PDZD2: variants seen among roughly 807,000 people sequenced by gnomAD.
PDZD2 encodes the protein PDZ domain-containing protein 2.
PDZD2 carries 90 observed loss-of-function variants against 220.7 expected under a neutral mutation model. That is an observed-to-expected ratio of 0.41 (90% confidence interval 0.34 to 0.49). PDZD2 has a LOEUF of 0.49. Ranked by LOEUF, PDZD2 falls within the 20% of genes least tolerant of loss-of-function variation. PDZD2 has a pLI of 0.28. For synonymous variants in PDZD2, 1,375 were observed against 1,450.5 expected, an observed-to-expected ratio of 0.95 and a Z score of 1.18; for missense variants, 3,174 against 3,608.5, an observed-to-expected ratio of 0.88 and a Z score of 3.08.
intron 2 of PDZD2, among the ~76,000 whole-genome samples, chr5:31,953,650 TAAA>T (rs1554013432): frequency 7.2e-6 from 1 of 139,102 alleles, no homozygotes; most frequent in African/African-American, 2.7e-5. Flanking sequence ...CCCTGTCTCT[TAAA>T]AAAAAAATTT....
intron 2 of PDZD2, among the ~76,000 whole-genome samples, chr5:31,861,203 T>C (rs1331136040): frequency 6.6e-6 from 1 of 152,130 alleles, no homozygotes; most frequent in Non-Finnish European, 1.5e-5. Flanking sequence ...AGAGAGTAAG[T>C]AGCAGGTCCC....
At chr5:31,854,470 G>C (rs1337723483) in intron 2 of PDZD2, among the ~76,000 whole-genome samples, 2 of 152,212 alleles carry the variant, frequency 1.3e-5, no homozygotes, top group Non-Finnish European at 2.9e-5. Flanking sequence ...TTTCTGGAAA[G>C]TTCCCTGACA....
chr5:32,038,078 G>C (rs1225234315), intron 7 of PDZD2, among the ~76,000 whole-genome samples: 1 of 147,498 alleles, frequency 6.8e-6, no homozygotes, highest in African/African-American at 2.5e-5. Context: ...TCCTGACCTT[G>C]TGATCCGCCC....
chr5:31,855,235 G>A, intron 2 of PDZD2: 1 of 493,246 alleles, frequency 2.0e-6, no homozygotes, highest in Non-Finnish European at 2.6e-6. Flanking sequence ...GGTGCAGACT[G>A]GGGCTGAATC....
chr5:32,036,291 G>A (rs898611581), intron 6 of PDZD2, among the ~76,000 whole-genome samples: 1 of 152,134 alleles, frequency 6.6e-6, no homozygotes, highest in African/African-American at 2.4e-5. Context: ...GCCTTTTTAA[G>A]TATGTATATC....
At chr5:31,709,094 G>A (rs1747967406) in intron 1 of PDZD2, among the ~76,000 whole-genome samples, 2 of 151,966 alleles carry the variant, frequency 1.3e-5, no homozygotes, top group Admixed American at 6.6e-5. Flanking sequence ...CACCATGTTG[G>A]CCAGGCTGGT....
chr5:31,687,690 G>C (rs1295973818), intron 1 of PDZD2, among the ~76,000 whole-genome samples: 3 of 152,116 alleles, frequency 2.0e-5, no homozygotes, highest in African/African-American at 7.2e-5. Context: ...AGTTCTGGAG[G>C]CTGGACATCT....
rs139215380 is a variant in PDZD2, at chr5:32,095,681, T to G, written c.7846-1598T>G. ...AAATGTGAATACATTGAAATTTTTG[T>G]GATTTAACTTGTCCTGGAATGCAGG... On this transcript the variant is annotated intron_variant, in intron 21 of 24. Transcript: ENST00000438447. Among the ~76,000 whole-genome samples, 1,185 of 142,906 alleles carry G rather than the reference T, an allele frequency of 8.3e-3. 24 individuals carry two copies. The highest frequency in any genetic ancestry group is 0.029 in the African/African-American group (1,136 of 39,196). 93.8% of individuals were successfully genotyped at this position (142,906 alleles called of 152,430 possible).
chr5:32,058,154 G>C (rs754645164), intron 12 of PDZD2, 51 bp downstream of exon 12: 1 of 954,770 alleles, frequency 1.0e-6, no homozygotes, highest in Non-Finnish European at 1.7e-6. Context: ...TAACATTTTG[G>C]AATCTGTTGT....
At chr5:31,900,118 C>A (rs1741943496) in intron 2 of PDZD2, among the ~76,000 whole-genome samples, 1 of 152,142 alleles carries the variant, frequency 6.6e-6, no homozygotes, top group Admixed American at 6.5e-5. Flanking sequence ...AACGGTGTCA[C>A]CAGGATTTTG....
intron 5 of PDZD2, among the ~76,000 whole-genome samples, chr5:32,001,568 G>A (rs373023722): frequency 1.7e-4 from 26 of 152,282 alleles, no homozygotes; most frequent in Non-Finnish European, 2.2e-4. Context: ...TCTTCTCCAC[G>A]GGTCCTCCAC....
chr5:31,904,200 A>G (rs1323561142), intron 2 of PDZD2, among the ~76,000 whole-genome samples: 5 of 152,224 alleles, frequency 3.3e-5, no homozygotes, highest in Admixed American at 6.5e-5. Context: ...CTCAATTAAT[A>G]AGAACTTACT....
chr5:31,783,769 G>A (rs544169140), intron 1 of PDZD2, among the ~76,000 whole-genome samples: 2 of 152,264 alleles, frequency 1.3e-5, no homozygotes, highest in Admixed American at 6.5e-5. Flanking sequence ...GTACCCAACC[G>A]TCTACATTTC....
chr5:32,000,338 C>T lies in PDZD2; in HGVS notation c.1254+67C>T. 1 of 1,487,498 alleles carries T rather than the reference C, an allele frequency of 6.7e-7. No individual in the cohort carries two copies. The highest frequency in any genetic ancestry group is 1.1e-5 in the South Asian group (1 of 87,118). The allele number at this position is 1,487,498 out of a possible 1,614,324, so 92.1% of individuals were successfully genotyped here. On this transcript the variant is annotated intron_variant, in intron 5 of 24. Coordinates refer to ENST00000438447, the MANE Select transcript of PDZD2 (RefSeq NM_178140.4). The surrounding 1 kb of genome is among the most constrained non-coding windows in gnomAD (Gnocchi z 4.5). ...GGTGAGTTGGGGTTGAGCCCCACCT[C>T]CCATGCCACACACACACACAAAGAC...
At chr5:31,930,197 T>C (rs1265668779) in intron 2 of PDZD2, among the ~76,000 whole-genome samples, 2 of 11,488 alleles carry the variant, frequency 1.7e-4, no homozygotes, top group Non-Finnish European at 3.9e-4. Context: ...TCAGGTATTC[T>C]TTTTTTTTTT....
Position 32,087,199 on chromosome 5 carries a change from A to C in PDZD2, c.3751A>C (p.Lys1251Gln). 2 of 1,614,026 alleles carry C rather than the reference A, an allele frequency of 1.2e-6. No homozygotes were observed. The highest frequency in any genetic ancestry group is 1.7e-6 in the Non-Finnish European group (2 of 1,179,948). The change falls in exon 20 of 25, where the codon AAG becomes CAG. Residue 1251 changes from lysine (K) to glutamine (Q), a missense_variant. Physicochemically the swap from Lys to Gln is moderately conservative, Grantham distance 53. Around this residue, in one of 4 missense-constraint regions of PDZD2, gnomAD observed 1,861 missense variants for 2,001.0 expected, o/e 0.93. Transcript: ENST00000438447. This position sits in a 1 kb window ranked among gnomAD's most constrained non-coding sequence, Gnocchi z 4.0. ...GGGGGCCGCTCATCCTGACCCCAGC[A>C]AGACCTCTGTAGACACAGGGCAAGT... is the stretch of plus-strand genomic sequence containing the variant. ...KKGAAHPDPS[K>Q]TSVDTGQVSR...
chr5:31,966,200 T>C (rs1347018432), intron 2 of PDZD2, among the ~76,000 whole-genome samples: 3 of 152,234 alleles, frequency 2.0e-5, no homozygotes, highest in Non-Finnish European at 4.4e-5. Flanking sequence ...AGACAGATTA[T>C]GAATTCTACC....
intron 10 of PDZD2, among the ~76,000 whole-genome samples, chr5:32,055,677 T>G (rs550879607): frequency 3.9e-5 from 6 of 152,330 alleles, no homozygotes; most frequent in African/African-American, 1.4e-4. Context: ...CGGGTTCTTT[T>G]TTTGGAACTG....
rs151155825 is a variant in PDZD2 at position 32,019,391 on chromosome 5, G to A, written c.1407+8909G>A. 1.6e-4 allele frequency among the ~76,000 whole-genome samples: 25 copies of A among 152,188 alleles called. No homozygotes were observed. In the East Asian group the frequency reaches 4.6e-3, roughly 28 times the overall value. ...ACTCCTGGGCTCAAGCAATCCTCCC[G>A]TCTCAGCCTCCCAAAGTACTGGGAT... On this transcript the variant is annotated intron_variant, in intron 6 of 24. Transcript: ENST00000438447.
Sources: gnomAD v4.1 joint callset for allele counts (sites outside exome capture counted in the v4.1 genomes callset) on GRCh38, gnomAD v4.1.1 for gene constraint, gnomAD v4.1.1 regional missense constraint, Gnocchi (gnomAD v3.1) non-coding constraint, MANE v1.5 for transcripts, NCBI Gene and HGNC (gene_info 2026-07-23, HGNC 2026-07-21) for gene names.